The following TRDN variants were observed in gnomAD, a reference collection of about 807,000 sequenced individuals.
TRDN encodes triadin.
Under a neutral mutation model 149.7 loss-of-function variants are expected in TRDN, and 161 were observed. The observed-to-expected ratio is 1.08, with a 90% CI of 0.95 to 1.23. TRDN has a LOEUF of 1.23. Ranked by LOEUF, TRDN falls within the 50% of genes most tolerant of loss-of-function variation. TRDN has a pLI of 0.00. For missense variants in TRDN, 896 were observed against 823.5 expected (o/e 1.09, Z -1.08); for synonymous variants, 294 against 250.5 (o/e 1.17, Z -1.64).
intron 6 of TRDN, among the ~76,000 whole-genome samples, chr6:123,515,087 TA>T (rs1779356059): frequency 6.6e-6 from 1 of 150,732 alleles, no homozygotes; most frequent in Admixed American, 6.6e-5. Flanking sequence ...AAGTAAAATT[TA>T]AAAAAAAGAA....
intron 21 of TRDN, among the ~76,000 whole-genome samples, chr6:123,341,453 T>G (rs973648222): frequency 4.6e-5 from 7 of 151,916 alleles, no homozygotes; most frequent in African/African-American, 1.7e-4. Context: ...ATCTATGCAT[T>G]GCTATCTTTT....
At chr6:123,382,520 G>T (rs1781759432) in intron 14 of TRDN, among the ~76,000 whole-genome samples, 1 of 151,942 alleles carries the variant, frequency 6.6e-6, no homozygotes, top group Admixed American at 6.6e-5. Context: ...TTTCCATAAA[G>T]ATGCTTAGGA....
intron 1 of TRDN, among the ~76,000 whole-genome samples, chr6:123,603,091 C>T (rs1032034810): frequency 8.1e-5 from 12 of 147,984 alleles, no homozygotes; most frequent in African/African-American, 3.0e-4. Context: ...TAATGTATAA[C>T]AAATGGATAA....
intron 12 of TRDN, among the ~76,000 whole-genome samples, chr6:123,396,160 A>G (rs1772722630): frequency 1.3e-5 from 2 of 152,240 alleles, no homozygotes; most frequent in Non-Finnish European, 2.9e-5. Context: ...ATATTGTACT[A>G]CTGAAAACAC....
intron 28 of TRDN, 60 bp downstream of exon 28, chr6:123,273,277 A>G: frequency 9.6e-7 from 1 of 1,042,726 alleles, no homozygotes; most frequent in East Asian, 3.8e-5. Flanking sequence ...ATGATTTTGA[A>G]AACGTTTCAA....
intron 33 of TRDN, 29 bp downstream of exon 33, chr6:123,265,289 A>G (rs768024218): frequency 2.9e-5 from 41 of 1,396,696 alleles, no homozygotes; most frequent in Middle Eastern, 3.6e-4. Flanking sequence ...AAATAGGACA[A>G]TTTTAAAATT....
At chr6:123,603,015 A>C (rs1422776367) in intron 1 of TRDN, among the ~76,000 whole-genome samples, 1 of 152,176 alleles carries the variant, frequency 6.6e-6, no homozygotes, top group African/African-American at 2.4e-5. Flanking sequence ...TGTATTATTT[A>C]ATCTAACATT....
chr6:123,417,774 C>T (rs1047333595), intron 12 of TRDN, among the ~76,000 whole-genome samples: 17 of 152,134 alleles, frequency 1.1e-4, no homozygotes, highest in African/African-American at 3.1e-4. Context: ...AATGATACAT[C>T]CCATCTCTCC....
chr6:123,388,249 A>T (rs886202490), intron 14 of TRDN, among the ~76,000 whole-genome samples: 1 of 152,166 alleles, frequency 6.6e-6, no homozygotes, highest in African/African-American at 2.4e-5. Flanking sequence ...CTGAAATTTG[A>T]TAAAACTGTC....
intron 12 of TRDN, among the ~76,000 whole-genome samples, chr6:123,420,545 A>G (rs2114539876): frequency 6.6e-6 from 1 of 152,352 alleles, no homozygotes; most frequent in African/African-American, 2.4e-5. Context: ...GACTGGGAAT[A>G]CAATATTTAG....
At chr6:123,480,467 T>C (rs1373987872) in intron 9 of TRDN, among the ~76,000 whole-genome samples, 1 of 152,068 alleles carries the variant, frequency 6.6e-6, no homozygotes, top group Non-Finnish European at 1.5e-5. Context: ...CATAAGGCGG[T>C]TGTTTACCAA....
At chr6:123,591,490 C>T (rs1783779141) in intron 1 of TRDN, among the ~76,000 whole-genome samples, 1 of 152,182 alleles carries the variant, frequency 6.6e-6, no homozygotes, top group Admixed American at 6.5e-5. Context: ...AGATGATCCA[C>T]CTGTCTCAGC....
chr6:123,308,162 T>C (rs901142060), intron 24 of TRDN, among the ~76,000 whole-genome samples: 3 of 152,110 alleles, frequency 2.0e-5, no homozygotes, highest in Non-Finnish European at 4.4e-5. Flanking sequence ...GACTTCCAGC[T>C]GCATCAATTT....
intron 1 of TRDN, among the ~76,000 whole-genome samples, chr6:123,599,956 C>T (rs951493657): frequency 6.6e-6 from 1 of 151,704 alleles, no homozygotes; most frequent in African/African-American, 2.4e-5. Flanking sequence ...CACATATTGG[C>T]ATATTATATT....
At position 123,621,990 on chromosome 6, in the gene TRDN, T is replaced by C. The variant is rs139168787; in HGVS notation, c.22+14764A>G. Among the ~76,000 whole-genome samples the C allele has an allele frequency of 4.4e-3, 673 of 152,254 alleles. 7 individuals carry two copies. Among genetic ancestry groups the C allele is most frequent in the African/African-American group, 0.015 (635 of 41,568 alleles). ...AAAGACAGTTGACTCTTGAACAACATGGGTTTTAACTGTGTAGTTCCACTT... is the reference window on the plus strand; with the variant it reads ...AAAGACAGTTGACTCTTGAACAACACGGGTTTTAACTGTGTAGTTCCACTT... On this transcript the variant is annotated intron_variant, in intron 1 of 40. Transcript: ENST00000334268.
intron 38 of TRDN, among the ~76,000 whole-genome samples, chr6:123,238,220 G>A (rs541678585): frequency 8.5e-5 from 13 of 152,176 alleles, no homozygotes; most frequent in Admixed American, 6.5e-4. Flanking sequence ...TATTAAACTG[G>A]CAAACATATA....
chr6:123,586,095 T>C lies in TRDN; in HGVS notation c.23-14963A>G, dbSNP rs550716473. ...CGAGTCATGAACTGGGCTGGGTTTT[T>C]CATATTTGATGAAAGAGTCTAAATG... On this transcript the variant is annotated intron_variant, in intron 1 of 40. Transcript: ENST00000334268. 7.8e-4 allele frequency among the ~76,000 whole-genome samples: 119 copies of C among 152,286 alleles called. 1 individual carries two copies. The highest frequency in any genetic ancestry group is 3.4e-3 in the Middle Eastern group (1 of 294).
intron 1 of TRDN, among the ~76,000 whole-genome samples, chr6:123,632,959 T>C (rs1385752474): frequency 6.6e-6 from 1 of 152,046 alleles, no homozygotes; most frequent in Non-Finnish European, 1.5e-5. Context: ...CTCTAAATTT[T>C]GAATATCAAA....
rs373340754 is a variant in TRDN at position 123,413,325 on chromosome 6, C to T, written c.1052-19648G>A. Among the ~76,000 whole-genome samples the T allele has an allele frequency of 4.6e-5, 7 of 152,314 alleles. No individual in the cohort carries two copies. The South Asian group carries it at 1.4e-3, about 32-fold the overall frequency. On this transcript the variant is annotated intron_variant, in intron 12 of 40. Coordinates refer to ENST00000334268, the MANE Select transcript of TRDN (RefSeq NM_006073.4). ...GCTCCCAAAACAATTATCAAAAACA[C>T]TTCAATTTCAGAGACTTTTATATGT...
Sources: gnomAD v4.1 joint callset for allele counts (sites outside exome capture counted in the v4.1 genomes callset) on GRCh38, gnomAD v4.1.1 for gene constraint, MANE v1.5 for transcripts, NCBI Gene and HGNC (gene_info 2026-07-23, HGNC 2026-07-21) for gene names.